Variants in PCDHA4 observed in about 807,000 individuals in gnomAD.
PCDHA4 encodes the protein protocadherin alpha-4.
A neutral mutation model predicts 61.4 loss-of-function variants in PCDHA4; 49 were observed. The observed-to-expected ratio is 0.80, with a 90% CI of 0.63 to 1.01. The LOEUF is 1.01. PCDHA4 is among the 50% of genes least tolerant of loss of function. The pLI, the probability that PCDHA4 is intolerant of heterozygous loss-of-function variation, is 0.00. For missense variants in PCDHA4, 1,254 were observed against 1,235.8 expected, an observed-to-expected ratio of 1.01 and a Z score of -0.22; for synonymous variants, 590 against 550.3, an observed-to-expected ratio of 1.07 and a Z score of -1.01.
chr5:140,980,635 A>AT (rs1224584187), intron 2 of PCDHA4, among the ~76,000 whole-genome samples: 1 of 152,232 alleles, frequency 6.6e-6, no homozygotes, highest in Non-Finnish European at 1.5e-5. Context: ...TCTCAGAAGA[A>AT]TAAATAAATG....
At chr5:140,870,293 T>C in intron 1 of PCDHA4, 1 of 1,614,182 alleles carries the variant, frequency 6.2e-7, no homozygotes, top group Non-Finnish European at 8.5e-7. Context: ...TTCAAGCTGG[T>C]GTCCACCTTC....
chr5:140,853,929 G>GATTGC, intron 1 of PCDHA4: 1 of 896,830 alleles, frequency 1.1e-6, no homozygotes, highest in Non-Finnish European at 1.4e-6. Context: ...AACATTTTGG[G>GATTGC]AGGCCAAGGT....
intron 1 of PCDHA4, chr5:140,882,507 A>G: frequency 6.2e-7 from 1 of 1,614,182 alleles, no homozygotes; most frequent in Non-Finnish European, 8.5e-7. Flanking sequence ...GTAAATCTGC[A>G]GAATGGCATT....
rs76033389 is a variant in PCDHA4, at chr5:140,874,549, G to A, written c.2385+64977G>A. Among the ~76,000 whole-genome samples, 707 of 152,298 alleles carry A rather than the reference G, an allele frequency of 4.6e-3. 3 individuals are homozygous for A. The highest frequency in any genetic ancestry group is 0.016 in the African/African-American group (683 of 41,566). On this transcript the variant is annotated intron_variant, in intron 1 of 3. Transcript: ENST00000530339. ...GATTAGGCTCCAAAACCCTTTAAGA[G>A]ATCTTTCGCATTTTAGTGCTCCATT...
intron 1 of PCDHA4, chr5:140,824,611 T>TG (rs1768217259): frequency 5.0e-5 from 1 of 19,836 alleles, no homozygotes; most frequent in Non-Finnish European, 1.2e-4. Context: ...CTAATTAAAG[T>TG]TTTTTTTTTT....
intron 1 of PCDHA4, among the ~76,000 whole-genome samples, chr5:140,879,771 G>A (rs1413027496): frequency 6.6e-6 from 1 of 152,156 alleles, no homozygotes; most frequent in Admixed American, 6.5e-5. Flanking sequence ...GGAGGCCCCA[G>A]GGAAGAATCT....
chr5:140,876,524 T>C (rs2056397184), intron 1 of PCDHA4: 1 of 1,614,018 alleles, frequency 6.2e-7, no homozygotes, highest in African/African-American at 1.3e-5. Flanking sequence ...CCTGAAGTAA[T>C]GGTTACTTCA....
intron 1 of PCDHA4, chr5:140,842,066 G>A: frequency 6.2e-7 from 1 of 1,613,874 alleles, no homozygotes; most frequent in Non-Finnish European, 8.5e-7. Flanking sequence ...TGAATACGAA[G>A]TAAGAATATT....
At chr5:140,875,884 C>T (rs531777396) in intron 1 of PCDHA4, 2 of 1,614,168 alleles carry the variant, frequency 1.2e-6, no homozygotes, top group South Asian at 2.2e-5. Flanking sequence ...AGAAAGGGAA[C>T]AAAAGGTACC....
intron 1 of PCDHA4, chr5:140,883,754 G>C: frequency 3.1e-6 from 5 of 1,613,118 alleles, no homozygotes; most frequent in Non-Finnish European, 4.2e-6. Flanking sequence ...CTCGCTGGTG[G>C]AGCGGCGGGT....
rs184181496 is a variant in PCDHA4 at position 140,857,350 on chromosome 5, G to A, written c.2385+47778G>A. ...CGCGGGACGGGGGCTCGCCTCCGCTGTGGGCCACGGCCAGCGTGTCTGTGG... is the reference window on the plus strand; with the variant it reads ...CGCGGGACGGGGGCTCGCCTCCGCTATGGGCCACGGCCAGCGTGTCTGTGG... On this transcript the variant is annotated intron_variant, in intron 1 of 3. Coordinates refer to ENST00000530339, the MANE Select transcript of PCDHA4 (RefSeq NM_018907.4). 5 of 1,598,502 alleles carry A rather than the reference G, an allele frequency of 3.1e-6. 1 individual carries two copies. In the Admixed American group the frequency reaches 6.7e-5, roughly 22 times the overall value.
chr5:140,928,166 T>G, intron 1 of PCDHA4: 1 of 1,614,142 alleles, frequency 6.2e-7, no homozygotes, highest in South Asian at 1.1e-5. Context: ...TCACCCCCAC[T>G]TAGCACCCGA....
At chr5:140,998,118 G>A (rs545818682) in intron 3 of PCDHA4, among the ~76,000 whole-genome samples, 5 of 152,282 alleles carry the variant, frequency 3.3e-5, no homozygotes, top group Admixed American at 1.3e-4. Flanking sequence ...AAATTTACTT[G>A]TGAATCATAA....
chr5:140,844,390 A>G (rs1233880656), intron 1 of PCDHA4, among the ~76,000 whole-genome samples: 1 of 149,636 alleles, frequency 6.7e-6, no homozygotes, highest in Non-Finnish European at 1.5e-5. Flanking sequence ...TTCATTATTT[A>G]GACCATTTTA....
At chr5:140,862,451 C>A (rs1554156361) in intron 1 of PCDHA4, 4 of 365,784 alleles carry the variant, frequency 1.1e-5, no homozygotes, top group African/African-American at 2.1e-5. Flanking sequence ...TCCACAGCGC[C>A]CTGGACCAAG....
At chr5:140,870,999 A>G (rs782562142) in intron 1 of PCDHA4, 2 of 1,613,456 alleles carry the variant, frequency 1.2e-6, no homozygotes, top group Admixed American at 3.3e-5. Flanking sequence ...AGATAAGCAC[A>G]ACGCGTGCCC....
chr5:140,984,666 G>T (rs769681431), intron 3 of PCDHA4, among the ~76,000 whole-genome samples: 115 of 152,058 alleles, frequency 7.6e-4, no homozygotes, highest in Admixed American at 1.2e-3. Flanking sequence ...GTACTTTTAG[G>T]TTTTTAGGAC....
intron 1 of PCDHA4, chr5:140,824,890 A>G (rs995906531): frequency 2.0e-5 from 3 of 151,970 alleles, no homozygotes; most frequent in African/African-American, 7.3e-5. Context: ...GTTTATTTCA[A>G]CTTTGCCTAA....
At chr5:140,861,319 C>G (rs781885907) in intron 1 of PCDHA4, 29 of 220,020 alleles carry the variant, frequency 1.3e-4, no homozygotes, top group Non-Finnish European at 2.1e-4. Context: ...ACCAGTTCCA[C>G]TACACCATCC....
Sources: allele counts gnomAD v4.1 joint callset (sites outside exome capture counted in the v4.1 genomes callset), GRCh38; gene constraint gnomAD v4.1.1; transcripts MANE v1.5; gene names NCBI Gene and HGNC (gene_info 2026-07-23, HGNC 2026-07-21).